SYNCRIP: variants seen among roughly 807,000 people sequenced by gnomAD.
SYNCRIP encodes heterogeneous nuclear ribonucleoprotein Q.
SYNCRIP carries 9 observed loss-of-function variants against 68.9 expected under a neutral mutation model. That is an observed-to-expected ratio of 0.13 (90% CI 0.08 to 0.23). SYNCRIP has a LOEUF of 0.23. SYNCRIP is among the 10% of genes least tolerant of loss of function. The probability of loss-of-function intolerance (pLI) is 1.00; values close to 1 mark genes in which losing one functional copy is unlikely to be tolerated. For missense variants in SYNCRIP, 414 were observed against 770.6 expected, an observed-to-expected ratio of 0.54 and a Z score of 5.48; for synonymous variants, 258 against 254.0, an observed-to-expected ratio of 1.02 and a Z score of -0.15.
rs774333924 is a variant in SYNCRIP, at chr6:85,615,026, G to A, written c.1602C>T (p.Gly534=). 9.9e-6 allele frequency: 16 copies of A among 1,613,892 alleles called. No individual in the cohort carries two copies. Among genetic ancestry groups the A allele is most frequent in the Admixed American group, 1.7e-5 (1 of 60,000 alleles). The change falls in exon 11 of 11, where the codon GGC becomes GGT. Residue 534 remains glycine, a synonymous_variant. Coordinates refer to ENST00000369622, the MANE Select transcript of SYNCRIP (RefSeq NM_006372.5). Reference sequence around the variant, plus strand: ...GGGCACCTCCTCTCGCACCTCGAACGCCTCTTGCTGATCCAGGACCTCCTC... The same window carrying A: ...GGGCACCTCCTCTCGCACCTCGAACACCTCTTGCTGATCCAGGACCTCCTC... ...SQRGGPGSAR[G]VRGARGGAQQ... is the part of the protein sequence containing the mutation.
intron 6 of SYNCRIP, among the ~76,000 whole-genome samples, chr6:85,626,505 G>A (rs1807050364): frequency 6.6e-6 from 1 of 152,104 alleles, no homozygotes; most frequent in African/African-American, 2.4e-5. Flanking sequence ...AAAATCAGGA[G>A]CTATTAACTA....
At chr6:85,629,453 C>T (rs936445924) in intron 6 of SYNCRIP, among the ~76,000 whole-genome samples, 7 of 141,878 alleles carry the variant, frequency 4.9e-5, no homozygotes, top group African/African-American at 1.8e-4. Context: ...TTCATGAGGC[C>T]GAAGCAAATG....
chr6:85,609,547 T>TTG (rs976488843), downstream of SYNCRIP: 1 of 151,930 alleles, frequency 6.6e-6, no homozygotes, highest in African/African-American at 2.4e-5. Flanking sequence ...TGTACAACAG[T>TTG]TGTGTGTGTG....
At chr6:85,621,674 TA>T (rs1806425395) in intron 8 of SYNCRIP, among the ~76,000 whole-genome samples, 1 of 151,498 alleles carries the variant, frequency 6.6e-6, no homozygotes, top group Admixed American at 6.6e-5. Context: ...CACCAGTGTG[TA>T]ATAAAGTGTT....
intron 8 of SYNCRIP, 135 bp downstream of exon 8, chr6:85,622,346 GA>G: frequency 1.2e-6 from 1 of 853,780 alleles, no homozygotes; most frequent in Non-Finnish European, 1.8e-6. Context: ...TCCAGCCTGG[GA>G]AACATGGGAA....
intron 7 of SYNCRIP, among the ~76,000 whole-genome samples, chr6:85,622,928 C>T (rs1428464484): frequency 6.6e-6 from 1 of 152,112 alleles, no homozygotes; most frequent in East Asian, 1.9e-4. Context: ...GAGGTAAGGA[C>T]TACTTTTGTT....
intron 9 of SYNCRIP, 64 bp from the exon 10 acceptor site, chr6:85,619,003 T>A: frequency 1.3e-6 from 2 of 1,496,436 alleles, no homozygotes; most frequent in South Asian, 1.2e-5. Flanking sequence ...TCATTTAAAG[T>A]TGGAATATCA....
rs2128285462 is a variant in SYNCRIP, at chr6:85,622,809, T to C, written c.803-122A>G. On this transcript the variant is annotated intron_variant, in intron 7 of 10. Transcript: ENST00000369622. ...ATGAAAAATCATCTCTTTCCTTCACTAGACATCTTTATAAAAGACTATCAA... is the reference window on the plus strand; with the variant it reads ...ATGAAAAATCATCTCTTTCCTTCACCAGACATCTTTATAAAAGACTATCAA... 4 of 761,138 alleles carry C rather than the reference T, an allele frequency of 5.3e-6. No homozygotes were observed. In the South Asian group the frequency reaches 7.1e-5, roughly 14 times the overall value. 47.1% of individuals were successfully genotyped at this position (761,138 alleles called of 1,614,324 possible).
At chr6:85,619,810 G>T (rs1212434812) in intron 8 of SYNCRIP, among the ~76,000 whole-genome samples, 4 of 152,132 alleles carry the variant, frequency 2.6e-5, no homozygotes, top group African/African-American at 7.2e-5. Context: ...TAGCCCCTTT[G>T]AAAGACAGTT....
chr6:85,618,019 T>C (rs78817575), intron 10 of SYNCRIP, among the ~76,000 whole-genome samples: 2,054 of 152,284 alleles, frequency 0.013, 51 homozygotes, highest in African/African-American at 0.046. Flanking sequence ...CACTACTGTG[T>C]TATAATTTTA....
intron 6 of SYNCRIP, among the ~76,000 whole-genome samples, chr6:85,627,637 C>A (rs566227871): frequency 1.3e-5 from 2 of 152,100 alleles, no homozygotes; most frequent in Admixed American, 6.5e-5. Flanking sequence ...TACTAGTAAA[C>A]CCTAACTCAA....
At chr6:85,617,487 A>G (rs1006253493) in intron 10 of SYNCRIP, among the ~76,000 whole-genome samples, 8 of 152,250 alleles carry the variant, frequency 5.3e-5, no homozygotes, top group Admixed American at 3.9e-4. Context: ...TGAAATATAG[A>G]GCATTAAAAC....
upstream of SYNCRIP, chr6:85,643,323 G>C (rs1018970796): frequency 6.6e-6 from 1 of 152,028 alleles, no homozygotes; most frequent in Non-Finnish European, 1.5e-5. Context: ...TCTCTCCCGC[G>C]CTGACGTGAC....
chr6:85,632,009 T>G (rs368665695), intron 6 of SYNCRIP, among the ~76,000 whole-genome samples: 3 of 152,220 alleles, frequency 2.0e-5, no homozygotes, highest in African/African-American at 7.2e-5. Flanking sequence ...ACAAATGGAT[T>G]TTTTTCATTC....
In SYNCRIP at chr6:85,614,130, T is replaced by C. The variant is rs773425744; in HGVS notation, c.*626A>G. The C allele has an allele frequency of 2.0e-5, 20 of 985,756 alleles. No individual in the cohort carries two copies. Among genetic ancestry groups the C allele is most frequent in the Non-Finnish European group, 2.4e-5 (20 of 829,950 alleles). The allele number at this position is 985,756 out of a possible 1,614,324, so 61.1% of individuals were successfully genotyped here. On this transcript the variant is annotated 3_prime_UTR_variant, in exon 11 of 11. Coordinates refer to ENST00000369622, the MANE Select transcript of SYNCRIP (RefSeq NM_006372.5). The stretch of plus-strand genomic sequence containing the variant: ...ATTAACAAGGCACAAAACCCTTTAA[T>C]TGGCCTTGACATGCTATACAATTTG...
At chr6:85,618,686 G>A in intron 10 of SYNCRIP, 132 bp downstream of exon 10, 1 of 679,568 alleles carries the variant, frequency 1.5e-6, no homozygotes, top group Non-Finnish European at 2.4e-6. Flanking sequence ...GTTTCCCTAT[G>A]ACTCTCAAAC....
chr6:85,628,441 A>T (rs1057114309), intron 6 of SYNCRIP, among the ~76,000 whole-genome samples: 2 of 152,230 alleles, frequency 1.3e-5, no homozygotes, highest in Non-Finnish European at 2.9e-5. Flanking sequence ...CCCAAATGAC[A>T]GCATTTCATA....
Position 85,641,418 on chromosome 6 carries a change from C to T in SYNCRIP, c.22G>A (p.Gly8Arg). ...TCCATGGGCTCTTCAGTACCATTTCCATTAACATGTTCTGTAGCCATGTTT... is the reference window on the plus strand; with the variant it reads ...TCCATGGGCTCTTCAGTACCATTTCTATTAACATGTTCTGTAGCCATGTTT... MATEHVN[G>R]NGTEEPMDTT... The change falls in exon 2 of 11, where the codon GGA (glycine) becomes AGA (arginine). Residue 8 changes from glycine to arginine, a missense_variant. By Grantham distance (125) the Gly-to-Arg change is moderately radical (BLOSUM62 -2). Transcript: ENST00000369622. 1 of 1,613,564 alleles carries T rather than the reference C, an allele frequency of 6.2e-7. No individual in the cohort carries two copies. The highest frequency in any genetic ancestry group is 1.7e-5 in the Admixed American group (1 of 59,942).
intron 8 of SYNCRIP, among the ~76,000 whole-genome samples, chr6:85,619,964 T>C (rs561220263): frequency 2.0e-5 from 3 of 152,232 alleles, no homozygotes; most frequent in African/African-American, 7.2e-5. Context: ...TGCCAAAAAT[T>C]TGCCAGACGC....
Sources: gnomAD v4.1 joint callset for allele counts (sites outside exome capture counted in the v4.1 genomes callset) on GRCh38, gnomAD v4.1.1 for gene constraint, MANE v1.5 for transcripts, NCBI Gene and HGNC (gene_info 2026-07-23, HGNC 2026-07-21) for gene names.